Variants in DNAH8 observed in about 807,000 individuals in gnomAD.
DNAH8 encodes dynein axonemal heavy chain 8, also known as axonemal beta dynein heavy chain 8.
A neutral mutation model predicts 562.1 loss-of-function variants in DNAH8; 382 were observed. The observed-to-expected ratio is 0.68, with a 90% confidence interval of 0.63 to 0.74. DNAH8 has a LOEUF of 0.74. Among genes scored for constraint, DNAH8 ranks in the 30% least tolerant of loss-of-function variants. The pLI is 0.00. For missense variants in DNAH8, 5,203 were observed against 5,620.4 expected (o/e 0.93, Z 2.37); for synonymous variants, 1,881 against 1,919.4 (o/e 0.98, Z 0.52).
intron 79 of DNAH8, among the ~76,000 whole-genome samples, chr6:38,940,244 A>G (rs1783329326): frequency 6.6e-6 from 1 of 152,202 alleles, no homozygotes; most frequent in Non-Finnish European, 1.5e-5. Flanking sequence ...GGGAATATAC[A>G]GGGAGATAAG....
intron 67 of DNAH8, among the ~76,000 whole-genome samples, chr6:38,914,769 A>T (rs1781176453): frequency 6.6e-6 from 1 of 152,184 alleles, no homozygotes. Flanking sequence ...TGCTGAAATG[A>T]GTGAACTAAC....
chr6:38,808,233 C>A (rs1221798053), intron 24 of DNAH8, among the ~76,000 whole-genome samples: 1 of 152,152 alleles, frequency 6.6e-6, no homozygotes, highest in African/African-American at 2.4e-5. Flanking sequence ...TGAGTACCTG[C>A]CACCTGTTGC....
chr6:38,937,567 C>A (rs1783074535), intron 77 of DNAH8, among the ~76,000 whole-genome samples: 1 of 152,058 alleles, frequency 6.6e-6, no homozygotes, highest in African/African-American at 2.4e-5. Context: ...AGGTTAGCTA[C>A]ACCCTGAGAC....
At position 38,735,077 on chromosome 6, in the gene DNAH8, A is replaced by G. The variant is rs974072029; in HGVS notation, c.762+452A>G. Reference sequence around the variant, plus strand: ...CCGAAATTTGCCTCTTAGCTTCACCACTGACTAATCACTTAAATGTGTCCT... The same window carrying G: ...CCGAAATTTGCCTCTTAGCTTCACCGCTGACTAATCACTTAAATGTGTCCT... On this transcript the variant is annotated intron_variant, in intron 5 of 92. Coordinates refer to ENST00000327475, the MANE Select transcript of DNAH8 (RefSeq NM_001206927.2). 2.6e-5 allele frequency among the ~76,000 whole-genome samples: 4 copies of G among 152,274 alleles called. No individual in the cohort carries two copies. In the East Asian group the frequency reaches 7.7e-4, roughly 29 times the overall value.
intron 8 of DNAH8, among the ~76,000 whole-genome samples, chr6:38,743,449 G>A (rs1764681847): frequency 1.3e-5 from 2 of 151,924 alleles, no homozygotes; most frequent in South Asian, 2.1e-4. Flanking sequence ...GATATTTTTA[G>A]TGTATTCATA....
chr6:38,872,425 T>G, intron 49 of DNAH8, 111 bp from the exon 50 acceptor site: 7 of 1,168,472 alleles, frequency 6.0e-6, no homozygotes, highest in Non-Finnish European at 8.5e-6. Context: ...AATAGTGAAC[T>G]AGTTACGTTA....
Position 38,805,561 on chromosome 6 carries a change from T to C in DNAH8, c.3115T>C (p.Phe1039Leu). The change falls in exon 23 of 93, where the codon TTT becomes CTT. Residue 1039 changes from phenylalanine to leucine, a missense_variant. This residue lies in a region of DNAH8 where 2,176 missense variants were observed against 2,365.1 expected (regional missense o/e 0.92). Coordinates refer to ENST00000327475, the MANE Select transcript of DNAH8 (RefSeq NM_001206927.2). ...NDYEANIVNE[F>L]DTHDKEDEFK... ...CTATGAAGCTAATATTGTGAATGAG[T>C]TTGATACTCATGATAAAGAAGATGA... 6.3e-7 allele frequency: 1 copy of C among 1,595,072 alleles called. No homozygotes were observed. Among genetic ancestry groups the C allele is most frequent in the Non-Finnish European group, 8.6e-7 (1 of 1,163,292 alleles).
intron 42 of DNAH8, among the ~76,000 whole-genome samples, chr6:38,859,165 A>C (rs896132593): frequency 1.3e-5 from 2 of 152,214 alleles, no homozygotes; most frequent in Non-Finnish European, 2.9e-5. Context: ...AAATATATTA[A>C]CTATTCTTCT....
At position 38,990,180 on chromosome 6, in the gene DNAH8, C is replaced by T. The variant is rs772482474; in HGVS notation, c.13214+8C>T. 4 of 1,581,196 alleles carry T rather than the reference C, an allele frequency of 2.5e-6. No homozygotes were observed. Among genetic ancestry groups the T allele is most frequent in the Non-Finnish European group, 3.4e-6 (4 of 1,164,448 alleles). On this transcript the variant is annotated splice_region_variant and intron_variant, in intron 88 of 92. Coordinates refer to ENST00000327475, the MANE Select transcript of DNAH8 (RefSeq NM_001206927.2). ...CCCTAATGCTGATATCACGTAAGTC[C>T]CTGGCATTTTTTAATTTGAAGGGGT... is the stretch of plus-strand genomic sequence containing the variant.
At chr6:38,911,389 G>A in intron 65 of DNAH8, 79 bp from the exon 66 acceptor site, 1 of 1,039,768 alleles carries the variant, frequency 9.6e-7, no homozygotes, top group Admixed American at 1.7e-5. Flanking sequence ...TGATCACACT[G>A]ATTTCACCTT....
chr6:38,788,652 T>C (rs1414640371), intron 18 of DNAH8, among the ~76,000 whole-genome samples: 1 of 152,244 alleles, frequency 6.6e-6, no homozygotes, highest in Non-Finnish European at 1.5e-5. Flanking sequence ...TTTTTAGTTA[T>C]AAAGTTCATT....
chr6:38,717,326 T>C (rs911280131), intron 1 of DNAH8, among the ~76,000 whole-genome samples: 1 of 152,026 alleles, frequency 6.6e-6, no homozygotes, highest in African/African-American at 2.4e-5. Context: ...TTTCAGGTCT[T>C]ATTTATTTAT....
At chr6:38,801,609 A>G (rs986567718) in intron 21 of DNAH8, among the ~76,000 whole-genome samples, 3 of 152,232 alleles carry the variant, frequency 2.0e-5, no homozygotes, top group African/African-American at 7.2e-5. Flanking sequence ...AGTGGCTTCC[A>G]GCCTCCGTTA....
intron 82 of DNAH8, among the ~76,000 whole-genome samples, chr6:38,961,062 C>T (rs1762576257): frequency 6.6e-6 from 1 of 151,840 alleles, no homozygotes; most frequent in Admixed American, 6.5e-5. Context: ...TGGGCATTAT[C>T]CTAAATGAAA....
intron 5 of DNAH8, among the ~76,000 whole-genome samples, chr6:38,735,935 C>T (rs1024974882): frequency 2.0e-5 from 3 of 152,012 alleles, no homozygotes; most frequent in East Asian, 3.9e-4. Flanking sequence ...CTCAGGAGTT[C>T]GAGACCACCC....
At chr6:38,937,579 A>G (rs1372563963) in intron 77 of DNAH8, among the ~76,000 whole-genome samples, 2 of 152,136 alleles carry the variant, frequency 1.3e-5, no homozygotes, top group Non-Finnish European at 2.9e-5. Context: ...CCCTGAGACA[A>G]GCAGCGTGGA....
intron 17 of DNAH8, among the ~76,000 whole-genome samples, chr6:38,784,131 GGTAA>G (rs778157154): frequency 3.9e-4 from 60 of 152,276 alleles, no homozygotes; most frequent in Middle Eastern, 3.4e-3. Context: ...AGGAACCGTA[GGTAA>G]GCCTTTAATA....
chr6:38,741,279 C>G (rs962825854), intron 7 of DNAH8, among the ~76,000 whole-genome samples: 21 of 151,862 alleles, frequency 1.4e-4, no homozygotes, highest in African/African-American at 4.8e-4. Flanking sequence ...AGCACTTGCC[C>G]GTAGTCCTAG....
intron 22 of DNAH8, among the ~76,000 whole-genome samples, chr6:38,804,115 T>A (rs529400191): frequency 6.6e-6 from 1 of 152,342 alleles, no homozygotes; most frequent in Admixed American, 6.5e-5. Flanking sequence ...TTTTACCCTA[T>A]TGAATTTCCT....
Sources: gnomAD v4.1 joint callset for allele counts (sites outside exome capture counted in the v4.1 genomes callset) on GRCh38, gnomAD v4.1.1 for gene constraint, gnomAD v4.1.1 regional missense constraint, MANE v1.5 for transcripts, NCBI Gene and HGNC (gene_info 2026-07-23, HGNC 2026-07-21) for gene names.